DPP10: variants seen among roughly 807,000 people sequenced by gnomAD.
DPP10 encodes inactive dipeptidyl peptidase 10.
DPP10 carries 33 observed loss-of-function variants against 120.9 expected under a neutral mutation model. The ratio of observed to expected loss-of-function variants is 0.27; its 90% CI spans 0.21 to 0.37. The LOEUF (loss-of-function observed/expected upper bound fraction) is 0.37, where lower values mean the gene tolerates loss of function less well. Ranked by LOEUF, DPP10 falls within the 10% of genes least tolerant of loss-of-function variation. The pLI, the probability that DPP10 is intolerant of heterozygous loss-of-function variation, is 1.00. For synonymous variants in DPP10, 337 were observed against 326.1 expected, an observed-to-expected ratio of 1.03 and a Z score of -0.36; for missense variants, 816 against 942.8, an observed-to-expected ratio of 0.87 and a Z score of 1.76.
chr2:115,517,082 C>T (rs1039423770), intron 4 of DPP10, among the ~76,000 whole-genome samples: 1 of 152,104 alleles, frequency 6.6e-6, no homozygotes, highest in Non-Finnish European at 1.5e-5. Context: ...ATAACTTTCA[C>T]ATGCCCTGTA....
intron 1 of DPP10, among the ~76,000 whole-genome samples, chr2:115,172,500 C>T (rs1394994701): frequency 6.6e-6 from 1 of 152,008 alleles, no homozygotes; most frequent in Non-Finnish European, 1.5e-5. Context: ...ATAAATAAGT[C>T]CATGAGGATA....
chr2:115,238,717 G>A (rs2058120448), intron 1 of DPP10, among the ~76,000 whole-genome samples: 1 of 152,178 alleles, frequency 6.6e-6, no homozygotes, highest in African/African-American at 2.4e-5. Flanking sequence ...CAGTAAATAC[G>A]ATGTGAACAT....
At chr2:115,779,947 G>A (rs1454979578) in intron 15 of DPP10, among the ~76,000 whole-genome samples, 1 of 151,884 alleles carries the variant, frequency 6.6e-6, no homozygotes, top group African/African-American at 2.4e-5. Context: ...ACTGTTTCTT[G>A]TAGCTGCCTT....
Position 115,592,094 on chromosome 2 carries a change from A to G in DPP10, c.441+66122A>G, listed in dbSNP as rs1443166223. 2.6e-5 allele frequency among the ~76,000 whole-genome samples: 4 copies of G among 152,188 alleles called. No homozygotes were observed. The East Asian group carries it at 7.7e-4, about 29-fold the overall frequency. ...AAAGGGGCACTGAAAAATCACTGAC[A>G]TGAGGCAGATTGATTGATAGGAGAA... On this transcript the variant is annotated intron_variant, in intron 5 of 25. Transcript: ENST00000410059.
chr2:114,817,814 T>C (rs749241720), intron 1 of DPP10, among the ~76,000 whole-genome samples: 1 of 152,180 alleles, frequency 6.6e-6, no homozygotes, highest in African/African-American at 2.4e-5. Context: ...ATTTACTCCA[T>C]TGATTTTATT....
chr2:115,436,430 C>A (rs2071500954), intron 3 of DPP10, among the ~76,000 whole-genome samples: 1 of 151,236 alleles, frequency 6.6e-6, no homozygotes. Context: ...GTATTAAAGA[C>A]AACTGAGAAG....
At chr2:115,083,832 G>A (rs1053820789) in intron 1 of DPP10, among the ~76,000 whole-genome samples, 2 of 152,176 alleles carry the variant, frequency 1.3e-5, no homozygotes, top group Non-Finnish European at 2.9e-5. Flanking sequence ...TATTGGATAG[G>A]AGATAGCTTT....
intron 1 of DPP10, among the ~76,000 whole-genome samples, chr2:114,511,934 T>C (rs1224265005): frequency 6.6e-6 from 1 of 152,248 alleles, no homozygotes; most frequent in African/African-American, 2.4e-5. Context: ...TCCATAAATG[T>C]TGTCTCTTGC....
chr2:115,446,755 C>T (rs908396483), intron 3 of DPP10, among the ~76,000 whole-genome samples: 6 of 152,080 alleles, frequency 3.9e-5, no homozygotes, highest in African/African-American at 1.4e-4. Flanking sequence ...TTATTAGGTC[C>T]ACTATTTTAC....
At chr2:114,532,288 T>TAC (rs1300984853) in intron 1 of DPP10, among the ~76,000 whole-genome samples, 6 of 53,784 alleles carry the variant, frequency 1.1e-4, no homozygotes. Context: ...TATATATATA[T>TAC]ATATATATAC....
At chr2:114,950,239 A>G (rs1697673454) in intron 1 of DPP10, among the ~76,000 whole-genome samples, 1 of 151,416 alleles carries the variant, frequency 6.6e-6, no homozygotes, top group African/African-American at 2.4e-5. Flanking sequence ...ATTAATGTCA[A>G]ATTGCCAAGA....
At chr2:115,266,676 G>A (rs995996127) in intron 1 of DPP10, among the ~76,000 whole-genome samples, 1 of 152,146 alleles carries the variant, frequency 6.6e-6, no homozygotes, top group African/African-American at 2.4e-5. Context: ...ATCTTTGTCT[G>A]TGGTATTAAG....
chr2:114,946,118 T>C (rs138157272), intron 1 of DPP10, among the ~76,000 whole-genome samples: 2,546 of 152,294 alleles, frequency 0.017, 26 homozygotes, highest in Middle Eastern at 0.034. Flanking sequence ...GAACACTGAA[T>C]GGATCTTGGT....
chr2:115,182,409 G>C (rs1269946157), intron 1 of DPP10, among the ~76,000 whole-genome samples: 2 of 152,200 alleles, frequency 1.3e-5, no homozygotes, highest in African/African-American at 4.8e-5. Context: ...TCTGGGATTG[G>C]TGGGATTCCA....
At chr2:115,167,725 T>G (rs2053004402) in intron 1 of DPP10, among the ~76,000 whole-genome samples, 1 of 152,184 alleles carries the variant, frequency 6.6e-6, no homozygotes, top group Non-Finnish European at 1.5e-5. Flanking sequence ...CATGAGTTTT[T>G]GGGTGCATGC....
intron 3 of DPP10, among the ~76,000 whole-genome samples, chr2:115,473,326 A>G (rs1399598854): frequency 2.6e-5 from 4 of 152,178 alleles, no homozygotes; most frequent in African/African-American, 9.7e-5. Flanking sequence ...ACTTGCCATC[A>G]TTGGGACAAG....
At chr2:115,373,238 G>C (rs548126823) in intron 3 of DPP10, among the ~76,000 whole-genome samples, 1 of 152,284 alleles carries the variant, frequency 6.6e-6, no homozygotes, top group South Asian at 2.1e-4. Flanking sequence ...GAACTGTTTA[G>C]TAGGACAATT....
chr2:115,133,463 A>C (rs2050487790), intron 1 of DPP10, among the ~76,000 whole-genome samples: 1 of 152,094 alleles, frequency 6.6e-6, no homozygotes, highest in African/African-American at 2.4e-5. Flanking sequence ...TTTAATGTTT[A>C]TAACAACTCT....
At chr2:114,818,852 C>T (rs1051072210) in intron 1 of DPP10, among the ~76,000 whole-genome samples, 9 of 152,072 alleles carry the variant, frequency 5.9e-5, no homozygotes, top group South Asian at 4.1e-4. Flanking sequence ...CCCATCATTA[C>T]GCCAATGCCA....
Sources: allele counts gnomAD v4.1 joint callset (sites outside exome capture counted in the v4.1 genomes callset), GRCh38; gene constraint gnomAD v4.1.1; transcripts MANE v1.5; gene names NCBI Gene and HGNC (gene_info 2026-07-23, HGNC 2026-07-21).